The following ABCB4 variants were observed in gnomAD, a reference collection of about 807,000 sequenced individuals.
The protein encoded by ABCB4 is phosphatidylcholine translocator ABCB4.
Under a neutral mutation model 145.7 loss-of-function variants are expected in ABCB4, and 76 were observed. The observed-to-expected ratio is 0.52, with a 90% CI of 0.43 to 0.63. The LOEUF is 0.63. Among genes scored for constraint, ABCB4 ranks in the 30% least tolerant of loss-of-function variants. ABCB4 has a pLI of 0.00. For missense variants in ABCB4, 1,234 were observed against 1,553.1 expected (o/e 0.79, Z 3.45); for synonymous variants, 517 against 566.8 (o/e 0.91, Z 1.25).
intron 22 of ABCB4, among the ~76,000 whole-genome samples, chr7:87,412,732 G>T (rs1389701807): frequency 6.6e-6 from 1 of 152,138 alleles, no homozygotes; most frequent in African/African-American, 2.4e-5. Context: ...TGTGAACATG[G>T]TGTTACAAAA....
intron 2 of ABCB4, among the ~76,000 whole-genome samples, 177 bp downstream of exon 2, chr7:87,475,209 T>C (rs1311522052): frequency 1.3e-5 from 2 of 152,240 alleles, no homozygotes; most frequent in African/African-American, 4.8e-5. Context: ...TGACATTCTT[T>C]GAGGCCACAC....
chr7:87,452,935 T>C lies in ABCB4; in HGVS notation c.536+9A>G, dbSNP rs1562989394. The C allele has an allele frequency of 1.2e-6, 2 of 1,611,226 alleles. No individual in the cohort carries two copies. The highest frequency in any genetic ancestry group is 1.7e-6 in the Non-Finnish European group (2 of 1,177,342). On this transcript the variant is annotated intron_variant, in intron 6 of 27. Transcript: ENST00000649586. ...CTATATGAAAGTGTGACATTAACAA[T>C]GTACCTACTCTGTTAGCCGCGTATT...
the ABCB4 span, among the ~76,000 whole-genome samples, chr7:87,395,798 C>A: frequency 2.6e-4 from 39 of 152,212 alleles, no homozygotes; most frequent in Middle Eastern, 3.4e-3. Context: ...TACTTGCCCC[C>A]AGACATGTCT....
chr7:87,378,453 A>G, the ABCB4 span, among the ~76,000 whole-genome samples: 1 of 152,160 alleles, frequency 6.6e-6, no homozygotes, highest in Non-Finnish European at 1.5e-5. Flanking sequence ...TTTGTTGGCA[A>G]GGAGTTAGCT....
the ABCB4 span, among the ~76,000 whole-genome samples, chr7:87,374,676 T>C: frequency 2.0e-5 from 3 of 152,132 alleles, no homozygotes; most frequent in African/African-American, 7.2e-5. Flanking sequence ...CACCATTAAT[T>C]TGCAAATAAC....
At position 87,426,934 on chromosome 7, in the gene ABCB4, A is replaced by C. The variant is rs761422158; in HGVS notation, c.1894-14T>G. On this transcript the variant is annotated splice_polypyrimidine_tract_variant and intron_variant, in intron 15 of 27. Transcript: ENST00000649586. ...GCTTCCTGATGTCTGAAAGAATATCAAGACATTAAAGTGTGTGTGTGTGTG... is the reference window on the plus strand; with the variant it reads ...GCTTCCTGATGTCTGAAAGAATATCCAGACATTAAAGTGTGTGTGTGTGTG... 1 of 1,580,384 alleles carries C rather than the reference A, an allele frequency of 6.3e-7. No homozygotes were observed. Among genetic ancestry groups the C allele is most frequent in the Non-Finnish European group, 8.6e-7 (1 of 1,161,162 alleles).
intron 8 of ABCB4, among the ~76,000 whole-genome samples, chr7:87,448,862 G>T (rs761451643): frequency 6.6e-6 from 1 of 152,184 alleles, no homozygotes; most frequent in Non-Finnish European, 1.5e-5. Flanking sequence ...AGAATTTCCA[G>T]AGAATTTTTA....
At chr7:87,475,533 C>T in intron 1 of ABCB4, 62 bp from the exon 2 acceptor site, 1 of 1,555,742 alleles carries the variant, frequency 6.4e-7, no homozygotes, top group Non-Finnish European at 8.8e-7. Context: ...GCGCACGAGT[C>T]GCGGGGCCCG....
chr7:87,441,987 AT>A (rs1236259989), intron 12 of ABCB4, among the ~76,000 whole-genome samples: 2 of 152,164 alleles, frequency 1.3e-5, no homozygotes, highest in Non-Finnish European at 2.9e-5. Flanking sequence ...GCCACTGGGC[AT>A]TTTTTTCTAT....
At chr7:87,475,323 AG>A in intron 2 of ABCB4, 62 bp downstream of exon 2, 1 of 1,593,690 alleles carries the variant, frequency 6.3e-7, no homozygotes, top group Non-Finnish European at 8.6e-7. Context: ...CTTCTTTCCA[AG>A]GGTGAACTTA....
At chr7:87,395,774 G>A in the ABCB4 span, among the ~76,000 whole-genome samples, 1 of 152,076 alleles carries the variant, frequency 6.6e-6, no homozygotes, top group East Asian at 1.9e-4. Context: ...AACACCCAAG[G>A]TGTCAAAATG....
chr7:87,370,264 C>T, the ABCB4 span, among the ~76,000 whole-genome samples: 1 of 152,052 alleles, frequency 6.6e-6, no homozygotes, highest in Non-Finnish European at 1.5e-5. Context: ...CTCACTGCAC[C>T]CTCCACATTC....
the ABCB4 span, chr7:87,375,381 C>T: frequency 7.7e-5 from 31 of 405,204 alleles, no homozygotes; most frequent in Non-Finnish European, 1.0e-4. Context: ...TATATATCAG[C>T]GAAACTAAAT....
At position 87,459,127 on chromosome 7, in the gene ABCB4, G is replaced by T. The variant is rs1270801200; in HGVS notation, c.286+3631C>A. On this transcript the variant is annotated intron_variant, in intron 4 of 27. Coordinates refer to ENST00000649586, the MANE Select transcript of ABCB4 (RefSeq NM_000443.4). ...TAAGTGAATTGCATTGCTTTAATCT[G>T]ACTTTAAAAATTTTAATTGTGATAA... Among the ~76,000 whole-genome samples, 8 of 152,206 alleles carry T rather than the reference G, an allele frequency of 5.3e-5. No individual in the cohort carries two copies. The East Asian group carries it at 1.5e-3, about 29-fold the overall frequency.
chr7:87,373,070 C>T, the ABCB4 span, among the ~76,000 whole-genome samples: 5 of 152,120 alleles, frequency 3.3e-5, no homozygotes, highest in South Asian at 2.1e-4. Context: ...TCCAAAATGG[C>T]GCAGTATATT....
chr7:87,453,171 C>CTCTTT (rs1488787907), intron 5 of ABCB4, 36 bp from the exon 6 acceptor site: 2 of 1,591,810 alleles, frequency 1.3e-6, no homozygotes, highest in East Asian at 2.2e-5. Context: ...TAAATACCTT[C>CTCTTT]TCTTTTCTTT....
At chr7:87,415,066 A>C (rs1808875289) in intron 21 of ABCB4, among the ~76,000 whole-genome samples, 1 of 152,218 alleles carries the variant, frequency 6.6e-6, no homozygotes, top group African/African-American at 2.4e-5. Context: ...AATTTACACA[A>C]GGAGAAACCA....
intron 3 of ABCB4, among the ~76,000 whole-genome samples, chr7:87,463,896 T>C (rs1812672423): frequency 6.6e-6 from 1 of 152,226 alleles, no homozygotes; most frequent in African/African-American, 2.4e-5. Context: ...TTTCTCACCT[T>C]TTCTTTCTGT....
chr7:87,394,750 A>T, the ABCB4 span, among the ~76,000 whole-genome samples: 1 of 152,154 alleles, frequency 6.6e-6, no homozygotes, highest in Non-Finnish European at 1.5e-5. Flanking sequence ...TGATTCTAGA[A>T]AAAGCGAAGT....
Sources: gnomAD v4.1 joint callset for allele counts (sites outside exome capture counted in the v4.1 genomes callset) on GRCh38, gnomAD v4.1.1 for gene constraint, MANE v1.5 for transcripts, NCBI Gene and HGNC (gene_info 2026-07-23, HGNC 2026-07-21) for gene names.